The following PEA15 variants were observed in gnomAD, a reference collection of about 807,000 sequenced individuals.
PEA15 encodes the protein proliferation and apoptosis adaptor protein 15.
For missense variants in PEA15, 77 were observed against 161.3 expected (o/e 0.48, Z 2.83); for synonymous variants, 60 against 61.8 (o/e 0.97, Z 0.13).
chr1:160,213,330 TTGAGTTTTG>T lies in PEA15; in HGVS notation c.328+66_328+74del. 1 of 1,612,848 alleles carries T rather than the reference TTGAGTTTTG, an allele frequency of 6.2e-7. No individual in the cohort carries two copies. The highest frequency in any genetic ancestry group is 8.5e-7 in the Non-Finnish European group (1 of 1,178,852). On this transcript the variant is annotated intron_variant, in intron 3 of 3. Coordinates refer to ENST00000360472, the MANE Select transcript of PEA15 (RefSeq NM_003768.5). This position sits in a 1 kb window ranked among gnomAD's most constrained non-coding sequence, Gnocchi z 5.3. ...GTCCCGTTGACTATCCTTGGAGTACTTGAGTTTTGGGAGAGTGGAGGCAGATGCCCAATG... is the reference window on the plus strand; with the variant it reads ...GTCCCGTTGACTATCCTTGGAGTACTGGAGAGTGGAGGCAGATGCCCAATG...
chr1:160,211,408 A>T, intron 1 of PEA15, 135 bp from the exon 2 acceptor site: 3 of 1,335,524 alleles, frequency 2.2e-6, no homozygotes. Flanking sequence ...CTCCAGCCCT[A>T]GCCACCTCCA....
At position 160,208,980 on chromosome 1, in the gene PEA15, C is replaced by G. The variant is rs1341624848; in HGVS notation, c.-2-2563C>G. ...AGTTGTGGACTGTATGCTCTCCTCC[C>G]CCTCGCCCCCCATGCCTCATTTGCA... On this transcript the variant is annotated intron_variant, in intron 1 of 3. Coordinates refer to ENST00000360472, the MANE Select transcript of PEA15 (RefSeq NM_003768.5). This position sits in a 1 kb window ranked among gnomAD's most constrained non-coding sequence, Gnocchi z 4.1. 6.9e-6 allele frequency: 2 copies of G among 291,050 alleles called. No individual in the cohort carries two copies. The highest frequency in any genetic ancestry group is 9.6e-5 in the Admixed American group (2 of 20,898). The allele number at this position is 291,050 out of a possible 1,614,324, so 18.0% of individuals were successfully genotyped here.
At chr1:160,210,415 G>A (rs1036583091) in intron 1 of PEA15, among the ~76,000 whole-genome samples, 2 of 152,216 alleles carry the variant, frequency 1.3e-5, no homozygotes, top group Non-Finnish European at 2.9e-5. Flanking sequence ...CCATTTTTGA[G>A]CTTACCACTA....
Position 160,211,553 on chromosome 1 carries a change from G to A in PEA15, c.9G>A (p.Glu3=), listed in dbSNP as rs989719455. The change falls in exon 2 of 4, where the codon GAG becomes GAA. Residue 3 remains glutamate (E), a synonymous_variant. Coordinates refer to ENST00000360472, the MANE Select transcript of PEA15 (RefSeq NM_003768.5). ...GCCTCCCAACCCCAGTCATGGCTGAGTACGGGACCCTCCTGCAAGACCTGA... is the reference window on the plus strand; with the variant it reads ...GCCTCCCAACCCCAGTCATGGCTGAATACGGGACCCTCCTGCAAGACCTGA... The part of the protein sequence containing the change: MA[E]YGTLLQDLTN... The A allele has an allele frequency of 1.9e-6, 3 of 1,612,228 alleles. No individual in the cohort carries two copies. The highest frequency in any genetic ancestry group is 2.5e-6 in the Non-Finnish European group (3 of 1,178,766).
chr1:160,213,280 C>T lies in PEA15; in HGVS notation c.328+15C>T. ...GAAGTACAAAGGTAAGCGGCCACTCCTTTAACTAGCTGCACCTCTGCCTCG... is the reference window on the plus strand; with the variant it reads ...GAAGTACAAAGGTAAGCGGCCACTCTTTTAACTAGCTGCACCTCTGCCTCG... On this transcript the variant is annotated intron_variant, in intron 3 of 3. Transcript: ENST00000360472. This position sits in a 1 kb window ranked among gnomAD's most constrained non-coding sequence, Gnocchi z 5.3. 1.2e-6 allele frequency: 2 copies of T among 1,614,194 alleles called. No individual in the cohort carries two copies. Among genetic ancestry groups the T allele is most frequent in the Non-Finnish European group, 1.7e-6 (2 of 1,180,024 alleles).
At position 160,211,647 on chromosome 1, in the gene PEA15, A is replaced by G. The variant is rs149991495; in HGVS notation, c.103A>G (p.Lys35Glu). 1 of 1,614,026 alleles carries G rather than the reference A, an allele frequency of 6.2e-7. No homozygotes were observed. The highest frequency in any genetic ancestry group is 8.5e-7 in the Non-Finnish European group (1 of 1,180,018). ...CTGCAAGGAAGACATCCCCAGCGAA[A>G]AGAGTGAGGAGATCACTACTGGCAG... ...SACKEDIPSE[K>E]SEEITTGSAW... is the part of the protein sequence containing the mutation. The change falls in exon 2 of 4, where the codon AAG becomes GAG. Residue 35 changes from lysine to glutamate, a missense_variant. Lys to Glu is a moderately conservative substitution (Grantham distance 56, BLOSUM62 1). Coordinates refer to ENST00000360472, the MANE Select transcript of PEA15 (RefSeq NM_003768.5).
At chr1:160,212,864 C>T (rs950330371) in intron 2 of PEA15, among the ~76,000 whole-genome samples, 1 of 152,204 alleles carries the variant, frequency 6.6e-6, no homozygotes, top group African/African-American at 2.4e-5. Flanking sequence ...CTAAACCCCT[C>T]ATTCTAACCA....
chr1:160,210,778 G>A lies in PEA15; in HGVS notation c.-2-765G>A, dbSNP rs1162953458. Among the ~76,000 whole-genome samples the A allele has an allele frequency of 2.0e-5, 3 of 152,228 alleles. No individual in the cohort carries two copies. The South Asian group carries it at 6.2e-4, about 31-fold the overall frequency. On this transcript the variant is annotated intron_variant, in intron 1 of 3. Coordinates refer to ENST00000360472, the MANE Select transcript of PEA15 (RefSeq NM_003768.5). ...CAGTTGCTTGGTATTCTTGGGCACGGGGGCTGCAGGCACAGCACAAAGGGT... is the reference window on the plus strand; with the variant it reads ...CAGTTGCTTGGTATTCTTGGGCACGAGGGCTGCAGGCACAGCACAAAGGGT...
Position 160,211,575 on chromosome 1 carries a change from C to G in PEA15, c.31C>G (p.Leu11Val), listed in dbSNP as rs1200410167. The G allele has an allele frequency of 6.2e-7, 1 of 1,613,694 alleles. No individual in the cohort carries two copies. The highest frequency in any genetic ancestry group is 8.5e-7 in the Non-Finnish European group (1 of 1,179,808). Reference protein sequence around the residue: MAEYGTLLQDLTNNITLEDLE... With the variant: MAEYGTLLQDVTNNITLEDLE... ...TGAGTACGGGACCCTCCTGCAAGAC[C>G]TGACCAACAACATCACCCTTGAAGA... The change falls in exon 2 of 4, where the codon CTG (leucine) becomes GTG (valine). Residue 11 changes from leucine to valine, a missense_variant. Leu to Val is a conservative substitution (Grantham distance 32). Coordinates refer to ENST00000360472, the MANE Select transcript of PEA15 (RefSeq NM_003768.5).
chr1:160,210,642 T>C (rs1654831355), intron 1 of PEA15, among the ~76,000 whole-genome samples: 1 of 152,142 alleles, frequency 6.6e-6, no homozygotes, highest in African/African-American at 2.4e-5. Context: ...AGGATGTTGA[T>C]ACGATACGAG....
Position 160,211,726 on chromosome 1 carries a change from G to T in PEA15, c.172+10G>T. On this transcript the variant is annotated intron_variant, in intron 2 of 3. Transcript: ENST00000360472. Reference sequence around the variant, plus strand: ...AACAAGCTGGACAAAGGTGGGGGAGGGGAGCACAGGGGTCCTGTCATCAGT... The same window carrying T: ...AACAAGCTGGACAAAGGTGGGGGAGTGGAGCACAGGGGTCCTGTCATCAGT... 1 of 1,610,304 alleles carries T rather than the reference G, an allele frequency of 6.2e-7. No individual in the cohort carries two copies. Among genetic ancestry groups the T allele is most frequent in the Non-Finnish European group, 8.5e-7 (1 of 1,177,534 alleles).
intron 1 of PEA15, among the ~76,000 whole-genome samples, chr1:160,210,042 T>G (rs1209749072): frequency 3.9e-5 from 6 of 152,248 alleles, no homozygotes; most frequent in African/African-American, 1.4e-4. Flanking sequence ...GCTCATTGTC[T>G]GCCTGTGTCA....
intron 1 of PEA15, among the ~76,000 whole-genome samples, chr1:160,210,621 G>T (rs1030601710): frequency 3.3e-5 from 5 of 152,234 alleles, no homozygotes; most frequent in African/African-American, 1.2e-4. Flanking sequence ...CATGCTGAAG[G>T]TAGTGCCAGT....
chr1:160,210,851 G>A (rs894405951), intron 1 of PEA15, among the ~76,000 whole-genome samples: 1 of 152,136 alleles, frequency 6.6e-6, no homozygotes, highest in South Asian at 2.1e-4. Context: ...AGGAGAAAAT[G>A]GGCTCCACAA....
chr1:160,207,573 C>A (rs1654655046), intron 1 of PEA15, among the ~76,000 whole-genome samples: 1 of 152,162 alleles, frequency 6.6e-6, no homozygotes, highest in Non-Finnish European at 1.5e-5. Flanking sequence ...CATTTTGCTT[C>A]TTGGACTGAA....
Position 160,213,575 on chromosome 1 carries a change from C to CTT in PEA15, c.*89_*90insTT. On this transcript the variant is annotated 3_prime_UTR_variant, in exon 4 of 4. Coordinates refer to ENST00000360472, the MANE Select transcript of PEA15 (RefSeq NM_003768.5). The surrounding 1 kb of genome is among the most constrained non-coding windows in gnomAD (Gnocchi z 5.3). ...AGGAGAGGGGGCAAGGGCAACCCAC[C>CTT]ATCTACCCACTTACTAACCTGGTCC... 8.9e-7 allele frequency: 1 copy of CTT among 1,125,868 alleles called. No homozygotes were observed. The highest frequency in any genetic ancestry group is 1.5e-5 in the African/African-American group (1 of 65,284). 69.7% of individuals were successfully genotyped at this position (1,125,868 alleles called of 1,614,324 possible).
At chr1:160,209,311 C>T (rs1191495117) in intron 1 of PEA15, among the ~76,000 whole-genome samples, 1 of 152,156 alleles carries the variant, frequency 6.6e-6, no homozygotes, top group Non-Finnish European at 1.5e-5. Flanking sequence ...CGAGCACACA[C>T]ACATTTCTCC....
At position 160,205,955 on chromosome 1, in the gene PEA15, G is replaced by A. The variant is rs1015848890; in HGVS notation, c.-3+433G>A. On this transcript the variant is annotated intron_variant, in intron 1 of 3. Transcript: ENST00000360472. This position sits in a 1 kb window ranked among gnomAD's most constrained non-coding sequence, Gnocchi z 5.9. ...TCACCCCCAGCTCACTGCACCTGGG[G>A]AAGAGGTGGGCTTGGCGGAAAGCTT... is the stretch of plus-strand genomic sequence containing the variant. 2.0e-5 allele frequency: 3 copies of A among 152,386 alleles called. No homozygotes were observed. Among genetic ancestry groups the A allele is most frequent in the East Asian group, 1.9e-4 (1 of 5,188 alleles). The allele number at this position is 152,386 out of a possible 1,614,324, so 9.4% of individuals were successfully genotyped here.
At position 160,214,117 on chromosome 1, in the gene PEA15, T is replaced by TA. The variant is rs1173921720; in HGVS notation, c.*632dup. 1 of 156,340 alleles carries TA rather than the reference T, an allele frequency of 6.4e-6. No individual in the cohort carries two copies. Among genetic ancestry groups the TA allele is most frequent in the Non-Finnish European group, 1.4e-5 (1 of 70,402 alleles). The allele number at this position is 156,340 out of a possible 1,614,324, so 9.7% of individuals were successfully genotyped here. A position where few individuals can be genotyped will look rare whatever the true frequency, so the allele number is the denominator to read the frequency against. On this transcript the variant is annotated 3_prime_UTR_variant, in exon 4 of 4. Transcript: ENST00000360472. The stretch of plus-strand genomic sequence containing the variant: ...TCAAACCCCATGGAGCAGCCAGCGT[T>TA]AGATGCCCCCACCCACCTGTACTCT...
Sources: gnomAD v4.1 joint callset for allele counts (sites outside exome capture counted in the v4.1 genomes callset) on GRCh38, gnomAD v4.1.1 for gene constraint, Gnocchi (gnomAD v3.1) non-coding constraint, MANE v1.5 for transcripts, NCBI Gene and HGNC (gene_info 2026-07-23, HGNC 2026-07-21) for gene names.